The following ZNF100 variants were observed in gnomAD, a reference collection of about 807,000 sequenced individuals.
The protein encoded by ZNF100 is zinc finger protein 100 (Y1).
In ZNF100, 12 loss-of-function variants were observed where a neutral mutation model predicts 15.8. That is an observed-to-expected ratio of 0.76 (90% CI 0.49 to 1.23). The LOEUF (loss-of-function observed/expected upper bound fraction) is 1.23. Ranked by LOEUF, ZNF100 falls within the 50% of genes most tolerant of loss-of-function variation. The pLI, the probability that ZNF100 is intolerant of heterozygous loss-of-function variation, is 0.00. For missense variants in ZNF100, 670 were observed against 635.6 expected (o/e 1.05, Z -0.58); for synonymous variants, 226 against 214.8 (o/e 1.05, Z -0.45).
chr19:21,752,539 G>T (rs2036325558), intron 2 of ZNF100: 1 of 148,860 alleles, frequency 6.7e-6, no homozygotes, highest in Non-Finnish European at 1.5e-5. Flanking sequence ...TAGCATTTTA[G>T]CATGTCTGCG....
intron 2 of ZNF100, among the ~76,000 whole-genome samples, chr19:21,747,958 TTC>T (rs1392791172): frequency 2.2e-5 from 3 of 135,780 alleles, no homozygotes; most frequent in Admixed American, 1.7e-4. Flanking sequence ...CTTCCTCTGT[TTC>T]TCTGTTATTG....
intron 2 of ZNF100, among the ~76,000 whole-genome samples, chr19:21,759,676 G>A (rs2036448777): frequency 6.6e-6 from 1 of 152,192 alleles, no homozygotes; most frequent in Non-Finnish European, 1.5e-5. Flanking sequence ...AGATGGTGAT[G>A]AGAGTGTCCT....
intron 4 of ZNF100, among the ~76,000 whole-genome samples, chr19:21,737,801 A>G (rs529201709): frequency 6.6e-5 from 10 of 152,340 alleles, no homozygotes; most frequent in African/African-American, 1.9e-4. Flanking sequence ...CCAGAGGTAC[A>G]AAGAAGAGCT....
At chr19:21,746,413 A>C (rs1188227374) in intron 2 of ZNF100, among the ~76,000 whole-genome samples, 1 of 152,122 alleles carries the variant, frequency 6.6e-6, no homozygotes, top group Admixed American at 6.6e-5. Flanking sequence ...TTAAGTAAGT[A>C]TTTTCTTAAT....
intron 2 of ZNF100, chr19:21,751,297 C>T: frequency 3.1e-6 from 3 of 964,736 alleles, no homozygotes. Flanking sequence ...TATATTACCA[C>T]ATAAAGAACA....
At chr19:21,761,801 A>G (rs1435031759) in intron 2 of ZNF100, among the ~76,000 whole-genome samples, 2 of 152,216 alleles carry the variant, frequency 1.3e-5, no homozygotes, top group African/African-American at 2.4e-5. Context: ...CACAACAGGT[A>G]ATATCCACCA....
chr19:21,722,900 CCA>C lies in ZNF100; in HGVS notation c.*3781_*3782del, dbSNP rs2035706258. The C allele has an allele frequency of 6.6e-6, 1 of 151,488 alleles. No individual in the cohort carries two copies. The highest frequency in any genetic ancestry group is 2.4e-5 in the African/African-American group (1 of 41,316). 9.4% of individuals were successfully genotyped at this position (151,488 alleles called of 1,614,324 possible). On this transcript the variant is annotated 3_prime_UTR_variant, in exon 5 of 5. Coordinates refer to ENST00000358296, the MANE Select transcript of ZNF100 (RefSeq NM_173531.4). The stretch of plus-strand genomic sequence containing the variant: ...CATTTTCTTGCAAATTTTATGTTTG[CCA>C]CACTTTAAGAATCTAATTTTTTTTT...
rs748091420 is a variant in ZNF100, at chr19:21,727,692, C to T, written c.620G>A (p.Cys207Tyr). ...IRHTRKKPFK[C>Y]KKCEKSFCML... ...GCAAAATGATTTTTCACATTTTTTA[C>T]ATTTGAAAGGTTTCTTTCTAGTATG... The change falls in exon 5 of 5, where the codon TGT becomes TAT. Residue 207 changes from cysteine (C) to tyrosine (Y), a missense_variant. Physicochemically the swap from Cys to Tyr is radical, Grantham distance 194. Transcript: ENST00000358296. 2.0e-5 allele frequency: 32 copies of T among 1,612,866 alleles called. No homozygotes were observed. The South Asian group carries it at 3.2e-4, about 16-fold the overall frequency.
chr19:21,726,471 T>C lies in ZNF100; in HGVS notation c.*212A>G, dbSNP rs1161078568. ...TAGGATTTCTCAACACTATGATTTA[T>C]GTTTTGAAAAGTTTGAGGTGTTTTC... On this transcript the variant is annotated 3_prime_UTR_variant, in exon 5 of 5. Coordinates refer to ENST00000358296, the MANE Select transcript of ZNF100 (RefSeq NM_173531.4). 9.8e-5 allele frequency: 51 copies of C among 521,814 alleles called. No individual in the cohort carries two copies. In the Admixed American group the frequency reaches 1.8e-3, roughly 18 times the overall value. 32.3% of individuals were successfully genotyped at this position (521,814 alleles called of 1,614,324 possible).
rs533970867 is a variant in ZNF100 at position 21,760,680 on chromosome 19, T to C, written c.96+5014A>G. On this transcript the variant is annotated intron_variant, in intron 2 of 4. Coordinates refer to ENST00000358296, the MANE Select transcript of ZNF100 (RefSeq NM_173531.4). The stretch of plus-strand genomic sequence containing the variant: ...TGATTTGTAGTCCACTATAAGACAA[T>C]GATAGGTGTTCTTAAATGCAAGTTT... 2.0e-5 allele frequency among the ~76,000 whole-genome samples: 3 copies of C among 151,282 alleles called. No individual in the cohort carries two copies. In the South Asian group the frequency reaches 6.2e-4, roughly 32 times the overall value.
At chr19:21,759,129 T>A (rs969928085) in intron 2 of ZNF100, among the ~76,000 whole-genome samples, 1 of 152,170 alleles carries the variant, frequency 6.6e-6, no homozygotes, top group Admixed American at 6.5e-5. Flanking sequence ...ACAAACCCCA[T>A]AGGCCCATCT....
intron 2 of ZNF100, chr19:21,752,888 GC>G (rs1468679218): frequency 6.6e-6 from 1 of 152,140 alleles, no homozygotes; most frequent in Admixed American, 6.5e-5. Context: ...GAGTATGGTG[GC>G]TGTTCACCAG....
Position 21,725,672 on chromosome 19 carries a change from C to CA in ZNF100, c.*1010dup, listed in dbSNP as rs1188433681. The CA allele has an allele frequency of 1.3e-5, 2 of 152,030 alleles. No homozygotes were observed. The highest frequency in any genetic ancestry group is 2.9e-5 in the Non-Finnish European group (2 of 67,964). 9.4% of individuals were successfully genotyped at this position (152,030 alleles called of 1,614,324 possible). ...TTGAATTACATTATTACTCACTTTT[C>CA]AAAAAATCTAATTTTTTCAAAAAGT... On this transcript the variant is annotated 3_prime_UTR_variant, in exon 5 of 5. Transcript: ENST00000358296.
At chr19:21,735,162 C>T (rs1369809719) in intron 4 of ZNF100, among the ~76,000 whole-genome samples, 1 of 152,122 alleles carries the variant, frequency 6.6e-6, no homozygotes, top group Non-Finnish European at 1.5e-5. Flanking sequence ...AAATAACCAG[C>T]TAGCACCATG....
Position 21,767,290 on chromosome 19 carries a change from G to A in ZNF100, c.3+137C>T, listed in dbSNP as rs1007036253. The A allele has an allele frequency of 1.4e-5, 20 of 1,461,850 alleles. No individual in the cohort carries two copies. In the African/African-American group the frequency reaches 1.8e-4, roughly 13 times the overall value. 90.6% of individuals were successfully genotyped at this position (1,461,850 alleles called of 1,614,324 possible). A position where few individuals can be genotyped will look rare whatever the true frequency, so the allele number is the denominator to read the frequency against. The stretch of plus-strand genomic sequence containing the variant: ...CGCAGCCGCCATCTTATGGCCGAAG[G>A]GGACGGAGGCCGAGCTGGGCAAGGC... On this transcript the variant is annotated intron_variant, in intron 1 of 4. Transcript: ENST00000358296.
At chr19:21,754,631 A>AT (rs1229156910) in intron 2 of ZNF100, among the ~76,000 whole-genome samples, 5 of 152,302 alleles carry the variant, frequency 3.3e-5, no homozygotes, top group African/African-American at 1.2e-4. Flanking sequence ...TTATACAAAA[A>AT]TTAACTTATA....
At chr19:21,748,096 G>C (rs1420597781) in intron 2 of ZNF100, among the ~76,000 whole-genome samples, 1 of 152,164 alleles carries the variant, frequency 6.6e-6, no homozygotes, top group Non-Finnish European at 1.5e-5. Flanking sequence ...TACTGGATCT[G>C]CAAGAATAGA....
Position 21,727,795 on chromosome 19 carries a change from G to A in ZNF100, c.517C>T (p.Gln173Ter), listed in dbSNP as rs758290562. 6 of 1,613,322 alleles carry A rather than the reference G, an allele frequency of 3.7e-6. No homozygotes were observed. Among genetic ancestry groups the A allele is most frequent in the Middle Eastern group, 1.6e-4 (1 of 6,080 alleles). Residue 173 changes from glutamine (Q) to a stop codon, truncating the protein, a stop_gained, in exon 5 of 5, where the codon CAG (glutamine) becomes TAG (stop). Transcript: ENST00000358296. LOFTEE classifies it low-confidence loss of function (END_TRUNC). ...GGATCACATTGAAATATGTTGCTCTGGGTAGTTATCAAACACTGGTTTAAT... is the reference window on the plus strand; with the variant it reads ...GGATCACATTGAAATATGTTGCTCTAGGTAGTTATCAAACACTGGTTTAAT... Reference protein sequence around the residue: ...NKLNQCLITTQSNIFQCDPSA... With the variant: ...NKLNQCLITT
At chr19:21,751,491 A>C in intron 2 of ZNF100, 2 of 1,001,406 alleles carry the variant, frequency 2.0e-6, no homozygotes, top group Non-Finnish European at 3.2e-6. Context: ...GTTTACTTAG[A>C]AAGGCTTTTA....
Sources: allele counts gnomAD v4.1 joint callset (sites outside exome capture counted in the v4.1 genomes callset), GRCh38; gene constraint gnomAD v4.1.1; transcripts MANE v1.5; gene names NCBI Gene and HGNC (gene_info 2026-07-23, HGNC 2026-07-21).